The following TRAPPC11 variants were observed in gnomAD, a reference collection of about 807,000 sequenced individuals.
TRAPPC11 encodes trafficking protein particle complex subunit 11.
TRAPPC11 carries 104 observed loss-of-function variants against 151.2 expected under a neutral mutation model. That is an observed-to-expected ratio of 0.69 (90% CI 0.59 to 0.81). The LOEUF (loss-of-function observed/expected upper bound fraction) is 0.81. Ranked by LOEUF, TRAPPC11 falls within the 30% of genes least tolerant of loss-of-function variation. TRAPPC11 has a pLI of 0.00. For missense variants in TRAPPC11, 1,230 were observed against 1,349.6 expected (o/e 0.91, Z 1.39); for synonymous variants, 456 against 472.3 (o/e 0.97, Z 0.45).
chr4:183,697,043 G>T (rs1736572265), intron 23 of TRAPPC11, among the ~76,000 whole-genome samples: 1 of 152,120 alleles, frequency 6.6e-6, no homozygotes, highest in African/African-American at 2.4e-5. Context: ...AAACACTTTA[G>T]CCAGGTGCTG....
At position 183,701,694 on chromosome 4, in the gene TRAPPC11, T is replaced by G. The variant is rs1456907055; in HGVS notation, c.2852-3T>G. On this transcript the variant is annotated splice_region_variant and splice_polypyrimidine_tract_variant and intron_variant, in intron 25 of 29. Transcript: ENST00000334690. ...TAAGGAATATAAAGACTTTTCCCTG[T>G]AGTTATCTTACAGACTGGAGAGAGT... The G allele has an allele frequency of 6.2e-7, 1 of 1,602,562 alleles. No homozygotes were observed. Among genetic ancestry groups the G allele is most frequent in the South Asian group, 1.1e-5 (1 of 90,892 alleles).
chr4:183,691,543 C>T (rs932043972), intron 19 of TRAPPC11, 72 bp downstream of exon 19: 7 of 955,846 alleles, frequency 7.3e-6, no homozygotes, highest in Non-Finnish European at 8.4e-6. Flanking sequence ...TTAAATAATA[C>T]AAAAGTTGAT....
chr4:183,694,227 AG>A, intron 22 of TRAPPC11, among the ~76,000 whole-genome samples, 189 bp downstream of exon 22: 1 of 152,364 alleles, frequency 6.6e-6, no homozygotes, highest in East Asian at 1.9e-4. Context: ...TTTTTCTACA[AG>A]GGAATTTAGA....
chr4:183,693,943 A>T lies in TRAPPC11; in HGVS notation c.2413A>T (p.Thr805Ser). ...ACAGGATGCCAATTTAACTCAGAAG[A>T]CTCACGTGACTCTTCATGGAACAGA... ...PGQDANLTQK[T>S]HVTLHGTELC... The change falls in exon 22 of 30, where the codon ACT (threonine) becomes TCT (serine). Residue 805 changes from threonine to serine, a missense_variant. Thr to Ser is a moderately conservative substitution (Grantham distance 58). Transcript: ENST00000334690. 1 of 1,613,698 alleles carries T rather than the reference A, an allele frequency of 6.2e-7. No individual in the cohort carries two copies. The highest frequency in any genetic ancestry group is 8.5e-7 in the Non-Finnish European group (1 of 1,179,698).
At chr4:183,702,948 T>C (rs1425052741) in intron 26 of TRAPPC11, among the ~76,000 whole-genome samples, 1 of 152,216 alleles carries the variant, frequency 6.6e-6, no homozygotes, top group Non-Finnish European at 1.5e-5. Context: ...GAAAAAGTTA[T>C]AAATTATCAA....
Position 183,685,418 on chromosome 4 carries a change from T to C in TRAPPC11, c.1762+15T>C. The C allele has an allele frequency of 6.2e-7, 1 of 1,606,910 alleles. No homozygotes were observed. The highest frequency in any genetic ancestry group is 8.5e-7 in the Non-Finnish European group (1 of 1,173,882). ...TGTGCCATTTGGTAGGTAGCTAACA[T>C]CTACAGTACTATTTCAGAGAAATTG... On this transcript the variant is annotated intron_variant, in intron 17 of 29. Coordinates refer to ENST00000334690, the MANE Select transcript of TRAPPC11 (RefSeq NM_021942.6).
At chr4:183,696,071 ACTCAAAGGAAATG>A (rs1347466924) in intron 23 of TRAPPC11, among the ~76,000 whole-genome samples, 1 of 152,178 alleles carries the variant, frequency 6.6e-6, no homozygotes, top group Non-Finnish European at 1.5e-5. Context: ...CCAGCATGAC[ACTCAAAGGAAATG>A]CTCCCAGGAG....
chr4:183,697,842 C>G lies in TRAPPC11; in HGVS notation c.2851+7C>G, dbSNP rs1459446571. On this transcript the variant is annotated splice_region_variant and intron_variant, in intron 25 of 29. Coordinates refer to ENST00000334690, the MANE Select transcript of TRAPPC11 (RefSeq NM_021942.6). ...GAGTCTCAAGTGGACAATGGTGAGT[C>G]TGGTTCATTCCCACTTAAAGACCAG... 1 of 1,611,294 alleles carries G rather than the reference C, an allele frequency of 6.2e-7. No homozygotes were observed. The highest frequency in any genetic ancestry group is 1.3e-5 in the African/African-American group (1 of 74,614).
At chr4:183,661,433 G>T (rs1174303766) in intron 1 of TRAPPC11, among the ~76,000 whole-genome samples, 1 of 135,290 alleles carries the variant, frequency 7.4e-6, no homozygotes, top group Non-Finnish European at 1.5e-5. Flanking sequence ...GTGCAGTGGC[G>T]CGATCTCCGC....
chr4:183,707,134 G>A (rs112616398), intron 28 of TRAPPC11, among the ~76,000 whole-genome samples, 194 bp downstream of exon 28: 116 of 152,230 alleles, frequency 7.6e-4, no homozygotes, highest in African/African-American at 2.6e-3. Context: ...TCATTGAGAC[G>A]AGACACGTGG....
At chr4:183,686,889 A>T in intron 18 of TRAPPC11, 141 bp downstream of exon 18, 2 of 1,039,004 alleles carry the variant, frequency 1.9e-6, no homozygotes, top group South Asian at 1.5e-5. Flanking sequence ...ATTCAAAAAT[A>T]TATCTCCAGG....
rs1444537438 is a variant in TRAPPC11, at chr4:183,673,317, T to A, written c.561-1396T>A. 2.0e-5 allele frequency among the ~76,000 whole-genome samples: 3 copies of A among 152,136 alleles called. No homozygotes were observed. In the East Asian group the frequency reaches 5.8e-4, roughly 29 times the overall value. ...TACATTCCTTCACACATTATTTGGT[T>A]CAAGGTTAGATTCTAATTTTGTCAT... On this transcript the variant is annotated intron_variant, in intron 5 of 29. Transcript: ENST00000334690.
chr4:183,684,943 ATACTT>A, intron 15 of TRAPPC11, 102 bp downstream of exon 15: 4 of 1,297,696 alleles, frequency 3.1e-6, no homozygotes, highest in Non-Finnish European at 3.2e-6. Flanking sequence ...GATAATTAGT[ATACTT>A]TACTATGTGC....
At chr4:183,699,959 G>A (rs1018392216) in intron 25 of TRAPPC11, among the ~76,000 whole-genome samples, 8 of 152,064 alleles carry the variant, frequency 5.3e-5, no homozygotes, top group African/African-American at 1.9e-4. Context: ...CCGAGTAGCT[G>A]GGACTACAGG....
Position 183,677,531 on chromosome 4 carries a change from AT to A in TRAPPC11, c.809del (p.Met270ArgfsTer5). ...HETNILEIKT[M>X]AGFINYKICR... ...AACTAATATTCTGGAAATTAAGACTATGGCAGGATTTATAAACTACAAGGTA... is the reference window on the plus strand; with the variant it reads ...AACTAATATTCTGGAAATTAAGACTAGGCAGGATTTATAAACTACAAGGTA... On this transcript the variant is annotated frameshift_variant, in exon 8 of 30. Transcript: ENST00000334690. LOFTEE classifies it high-confidence loss of function. 1 of 1,595,516 alleles carries A rather than the reference AT, an allele frequency of 6.3e-7. No homozygotes were observed. The highest frequency in any genetic ancestry group is 8.6e-7 in the Non-Finnish European group (1 of 1,163,498).
rs370440281 is a variant in TRAPPC11, at chr4:183,665,315, C to G, written c.205-942C>G. 4.2e-4 allele frequency among the ~76,000 whole-genome samples: 64 copies of G among 152,058 alleles called. No homozygotes were observed. In the East Asian group the frequency reaches 0.012, roughly 29 times the overall value. ...TTCACCGTGTTAGCCAGGATGGTCT[C>G]GATCTCCTGACCTCGTGATCTGCCC... On this transcript the variant is annotated intron_variant, in intron 2 of 29. Coordinates refer to ENST00000334690, the MANE Select transcript of TRAPPC11 (RefSeq NM_021942.6).
intron 5 of TRAPPC11, among the ~76,000 whole-genome samples, chr4:183,669,611 T>G (rs2111313375): frequency 6.6e-6 from 1 of 152,350 alleles, no homozygotes; most frequent in African/African-American, 2.4e-5. Flanking sequence ...CAGCATTACC[T>G]TCCAGAGACT....
chr4:183,706,510 G>C (rs1445516668), intron 27 of TRAPPC11, among the ~76,000 whole-genome samples: 3 of 147,930 alleles, frequency 2.0e-5, no homozygotes, highest in Non-Finnish European at 4.5e-5. Context: ...GTGAAAGAGC[G>C]AGACTCCGCC....
chr4:183,686,602 TTTG>T lies in TRAPPC11; in HGVS notation c.1763-13_1763-11del. 1 of 1,612,986 alleles carries T rather than the reference TTTG, an allele frequency of 6.2e-7. No homozygotes were observed. Among genetic ancestry groups the T allele is most frequent in the Non-Finnish European group, 8.5e-7 (1 of 1,179,446 alleles). ...ATCTGGTTGTGCATAACACAGCCCT[TTTG>T]TTTTATTTCTAGTGCAGTGCAAAGC... is the stretch of plus-strand genomic sequence containing the variant. On this transcript the variant is annotated splice_polypyrimidine_tract_variant and intron_variant, in intron 17 of 29. Transcript: ENST00000334690.
Sources: gnomAD v4.1 joint callset for allele counts (sites outside exome capture counted in the v4.1 genomes callset) on GRCh38, gnomAD v4.1.1 for gene constraint, MANE v1.5 for transcripts, NCBI Gene and HGNC (gene_info 2026-07-23, HGNC 2026-07-21) for gene names.